Variants in SUMF2 observed in about 807,000 individuals in gnomAD.
SUMF2 encodes the protein inactive C-alpha-formylglycine-generating enzyme 2.
In SUMF2, 45 loss-of-function variants were observed where a neutral mutation model predicts 44.8. The ratio of observed to expected loss-of-function variants is 1.00; its 90% CI spans 0.79 to 1.29. The LOEUF is 1.29. SUMF2 is among the 50% of genes most tolerant of loss of function. The probability of loss-of-function intolerance (pLI) is 0.00; values close to 1 mark genes in which losing one functional copy is unlikely to be tolerated. For synonymous variants in SUMF2, 148 were observed against 150.4 expected (o/e 0.98, Z 0.12); for missense variants, 418 against 389.9 (o/e 1.07, Z -0.61).
chr7:56,078,026 G>C, intron 6 of SUMF2, 76 bp from the exon 7 acceptor site: 1 of 1,273,066 alleles, frequency 7.9e-7, no homozygotes, highest in Non-Finnish European at 1.1e-6. Context: ...AGACGACCTT[G>C]GTTTTCCTCT....
intron 1 of SUMF2, among the ~76,000 whole-genome samples, chr7:56,068,112 C>T (rs1013538625): frequency 1.3e-5 from 2 of 149,248 alleles, no homozygotes; most frequent in African/African-American, 4.9e-5. Context: ...CGGCTCACTG[C>T]AAGCTCCGCC....
At chr7:56,082,700 C>T (rs553724284), downstream of SUMF2, among the ~76,000 whole-genome samples, 16 of 152,288 alleles carry the variant, frequency 1.1e-4, no homozygotes, top group South Asian at 4.1e-4. Flanking sequence ...CAGGGCAGGG[C>T]GGGATACTGC....
rs1354379410 is a variant in SUMF2 at position 56,078,391 on chromosome 7, G to T, written c.704G>T (p.Trp235Leu). 6.8e-6 allele frequency: 11 copies of T among 1,611,058 alleles called. No homozygotes were observed. The highest frequency in any genetic ancestry group is 2.7e-5 in the African/African-American group (2 of 74,986). Residue 235 changes from tryptophan (W) to leucine (L), a missense_variant, in exon 8 of 9, where the codon TGG (tryptophan) becomes TTG (leucine). Transcript: ENST00000434526. ...YGLYDLLGNVWEWTASPYQAA... is the reference protein window; with the variant it reads ...YGLYDLLGNVLEWTASPYQAA... ...CTCTATGACCTCCTGGGGAACGTGT[G>T]GGAGTGGACAGCATCACCGTACCAG... is the stretch of plus-strand genomic sequence containing the variant.
rs1795924162 is a variant in SUMF2, at chr7:56,080,605, A to G, written c.*993A>G. 5.1e-6 allele frequency: 1 copy of G among 197,708 alleles called. No homozygotes were observed. The highest frequency in any genetic ancestry group is 2.3e-5 in the African/African-American group (1 of 42,636). The allele number at this position is 197,708 out of a possible 1,614,324, so 12.2% of individuals were successfully genotyped here. The stretch of plus-strand genomic sequence containing the variant: ...CTCCAAAAACATGTCCCTGGAGAGT[A>G]GCCTGCTCCCACACTGTCACTGGAT... On this transcript the variant is annotated 3_prime_UTR_variant, in exon 9 of 9. Transcript: ENST00000434526.
rs960561228 is a variant in SUMF2, at chr7:56,079,420, C to T, written c.822-108C>T. On this transcript the variant is annotated intron_variant, in intron 8 of 8. Coordinates refer to ENST00000434526, the MANE Select transcript of SUMF2 (RefSeq NM_015411.4). ...TCCAGACCATGCTCTCCCCAGCCCT[C>T]ATGCTCCCTGATCATGGCCGGCCCT... 22 of 1,140,366 alleles carry T rather than the reference C, an allele frequency of 1.9e-5. No individual in the cohort carries two copies. The African/African-American group carries it at 2.8e-4, about 14-fold the overall frequency. The allele number at this position is 1,140,366 out of a possible 1,614,324, so 70.6% of individuals were successfully genotyped here.
the SUMF2 span, chr7:56,087,620 C>CT: frequency 6.2e-7 from 1 of 1,613,830 alleles, no homozygotes; most frequent in Non-Finnish European, 8.5e-7. Context: ...GCCCTGAGAC[C>CT]TTGCGCAGGA....
chr7:56,082,151 C>T (rs755807991), downstream of SUMF2: 35 of 1,612,898 alleles, frequency 2.2e-5, 2 homozygotes, highest in South Asian at 2.1e-4. Flanking sequence ...CCTCCTTTCC[C>T]GGCGCACTCA....
At chr7:56,083,267 T>C (rs752747377), downstream of SUMF2, 1 of 1,613,610 alleles carries the variant, frequency 6.2e-7, no homozygotes, top group South Asian at 1.1e-5. Context: ...GCCAAGGCCA[T>C]GTTACCAGAC....
At chr7:56,085,017 G>A (rs2117566506), downstream of SUMF2, among the ~76,000 whole-genome samples, 1 of 152,068 alleles carries the variant, frequency 6.6e-6, no homozygotes, top group Non-Finnish European at 1.5e-5. Flanking sequence ...CTGGAGTGCA[G>A]TGGCACGATC....
intron 4 of SUMF2, 106 bp downstream of exon 4, chr7:56,074,324 A>T: frequency 7.8e-7 from 1 of 1,286,308 alleles, no homozygotes; most frequent in Non-Finnish European, 1.1e-6. Flanking sequence ...TGAGTTTCAA[A>T]GAAGGATAGG....
intron 1 of SUMF2, among the ~76,000 whole-genome samples, chr7:56,066,474 C>T (rs1794807748): frequency 6.6e-6 from 1 of 152,164 alleles, no homozygotes; most frequent in Non-Finnish European, 1.5e-5. Context: ...GAGACAGAGT[C>T]TTGCTGTGTC....
chr7:56,084,738 A>T (rs7783339), downstream of SUMF2, among the ~76,000 whole-genome samples: 68,264 of 151,806 alleles, frequency 0.45, 16,036 homozygotes, highest in East Asian at 0.66. Context: ...TGCAGGAGCA[A>T]AGTTTGCCAA....
At chr7:56,075,224 A>G (rs908744276) in intron 5 of SUMF2, among the ~76,000 whole-genome samples, 1 of 151,010 alleles carries the variant, frequency 6.6e-6, no homozygotes, top group African/African-American at 2.4e-5. Flanking sequence ...TCAGACTGAT[A>G]TAAAATACCA....
intron 7 of SUMF2, 37 bp from the exon 8 acceptor site, chr7:56,078,327 G>A: frequency 6.4e-7 from 1 of 1,560,502 alleles, no homozygotes; most frequent in East Asian, 2.3e-5. Flanking sequence ...GTGGTCGGCG[G>A]GTCCCAGCCT....
chr7:56,074,644 G>T lies in SUMF2; in HGVS notation c.443G>T (p.Ser148Ile), dbSNP rs372365484. ...ERLEHPVLHV[S>I]WNDARAYCAW... is the part of the protein sequence containing the mutation. ...CTGGAGCACCCAGTGTTACACGTGA[G>T]CTGGAATGACGCCCGTGCCTACTGT... The change falls in exon 5 of 9, where the codon AGC (serine) becomes ATC (isoleucine). Residue 148 changes from serine to isoleucine, a missense_variant. By Grantham distance (142) the Ser-to-Ile change is moderately radical. Coordinates refer to ENST00000434526, the MANE Select transcript of SUMF2 (RefSeq NM_015411.4). The T allele has an allele frequency of 5.0e-6, 8 of 1,614,076 alleles. No homozygotes were observed. The highest frequency in any genetic ancestry group is 1.3e-5 in the African/African-American group (1 of 74,934).
intron 6 of SUMF2, among the ~76,000 whole-genome samples, chr7:56,077,630 G>A (rs760022659): frequency 9.5e-4 from 144 of 150,950 alleles, no homozygotes; most frequent in Non-Finnish European, 1.8e-3. Context: ...TAGCCTTGGC[G>A]ACAGAACGAG....
chr7:56,081,692 G>T, downstream of SUMF2: 1 of 1,613,880 alleles, frequency 6.2e-7, no homozygotes, highest in Non-Finnish European at 8.5e-7. The surrounding 1 kb of genome is among the most constrained non-coding windows in gnomAD (Gnocchi z 4.6). Flanking sequence ...TGGAAGAAGG[G>T]GTGTGCCAAG....
downstream of SUMF2, chr7:56,081,941 C>G (rs142859782): frequency 8.7e-6 from 14 of 1,613,824 alleles, no homozygotes; most frequent in African/African-American, 1.9e-4. The surrounding 1 kb of genome is among the most constrained non-coding windows in gnomAD (Gnocchi z 4.6). Context: ...GCGAGCCAAA[C>G]TGGTAGTTGC....
chr7:56,068,443 T>A, intron 1 of SUMF2, 39 bp from the exon 2 acceptor site: 1 of 1,560,026 alleles, frequency 6.4e-7, no homozygotes, highest in Non-Finnish European at 8.7e-7. Context: ...GTTTTATATA[T>A]ATGCATGTAT....
Sources: allele counts gnomAD v4.1 joint callset (sites outside exome capture counted in the v4.1 genomes callset), GRCh38; gene constraint gnomAD v4.1.1; non-coding constraint Gnocchi (gnomAD v3.1); transcripts MANE v1.5; gene names NCBI Gene and HGNC (gene_info 2026-07-23, HGNC 2026-07-21).